CADM2: variants seen among roughly 807,000 people sequenced by gnomAD.
The protein encoded by CADM2 is cell adhesion molecule 2.
Under a neutral mutation model 49.8 loss-of-function variants are expected in CADM2, and 12 were observed. That is an observed-to-expected ratio of 0.24 (90% CI 0.15 to 0.39). The LOEUF (loss-of-function observed/expected upper bound fraction) is 0.39. Among genes scored for constraint, CADM2 ranks in the 10% least tolerant of loss-of-function variants. CADM2 has a pLI of 1.00. For missense variants in CADM2, 378 were observed against 492.3 expected, an observed-to-expected ratio of 0.77 and a Z score of 2.20; for synonymous variants, 214 against 175.4, an observed-to-expected ratio of 1.22 and a Z score of -1.74.
intron 8 of CADM2, among the ~76,000 whole-genome samples, chr3:85,999,980 TG>T (rs1360047654): frequency 6.6e-6 from 1 of 152,072 alleles, no homozygotes; most frequent in East Asian, 1.9e-4. Flanking sequence ...AAAAAAGAGA[TG>T]TTGAATATAT....
At chr3:85,849,137 A>T (rs1393791276) in intron 3 of CADM2, among the ~76,000 whole-genome samples, 1 of 152,216 alleles carries the variant, frequency 6.6e-6, no homozygotes, top group African/African-American at 2.4e-5. Context: ...CCAGGAGGAC[A>T]GCAAGCCACC....
chr3:85,701,256 G>A (rs1369083910), intron 1 of CADM2, among the ~76,000 whole-genome samples: 1 of 152,116 alleles, frequency 6.6e-6, no homozygotes, highest in Non-Finnish European at 1.5e-5. Flanking sequence ...TAAACCATTA[G>A]AAACTGCACC....
At chr3:84,970,840 C>G (rs2031382545) in intron 1 of CADM2, among the ~76,000 whole-genome samples, 1 of 151,928 alleles carries the variant, frequency 6.6e-6, no homozygotes, top group Admixed American at 6.6e-5. Flanking sequence ...TTGGCCCCTG[C>G]TCATCAACTT....
intron 5 of CADM2, among the ~76,000 whole-genome samples, chr3:85,904,347 T>C (rs1397719093): frequency 6.6e-6 from 1 of 152,196 alleles, no homozygotes; most frequent in Non-Finnish European, 1.5e-5. Context: ...ATTTTGACTT[T>C]GCAACCAAGA....
chr3:85,383,478 T>G (rs1168203761), intron 1 of CADM2, among the ~76,000 whole-genome samples: 7 of 141,770 alleles, frequency 4.9e-5, no homozygotes, highest in Non-Finnish European at 1.0e-4. Flanking sequence ...GGAAAAAAGT[T>G]AATATAATAC....
At chr3:85,412,682 C>T (rs1325404378) in intron 1 of CADM2, among the ~76,000 whole-genome samples, 1 of 151,644 alleles carries the variant, frequency 6.6e-6, no homozygotes, top group Non-Finnish European at 1.5e-5. Flanking sequence ...AATTATCATC[C>T]TATTGAAAAT....
At chr3:85,381,656 T>A (rs982999995) in intron 1 of CADM2, among the ~76,000 whole-genome samples, 2 of 151,648 alleles carry the variant, frequency 1.3e-5, no homozygotes, top group African/African-American at 4.8e-5. Context: ...GATATGATTA[T>A]AATAATAAAG....
chr3:84,965,153 G>A (rs778918887), intron 1 of CADM2, among the ~76,000 whole-genome samples: 2 of 152,092 alleles, frequency 1.3e-5, no homozygotes, highest in African/African-American at 2.4e-5. Context: ...AAAAGGACAC[G>A]TTCATTGCCA....
intron 1 of CADM2, among the ~76,000 whole-genome samples, chr3:85,393,944 C>G (rs9840818): frequency 1.1e-3 from 161 of 152,164 alleles, no homozygotes; most frequent in African/African-American, 3.8e-3. Flanking sequence ...GTAGCTGGGA[C>G]TACAGGCGCC....
At chr3:85,601,146 A>G (rs879347470) in intron 1 of CADM2, among the ~76,000 whole-genome samples, 26,067 of 113,498 alleles carry the variant, frequency 0.23, 3,691 homozygotes, top group East Asian at 0.35. Context: ...ATATATATAT[A>G]TATATATATA....
intron 1 of CADM2, among the ~76,000 whole-genome samples, chr3:85,525,170 T>A: frequency 6.6e-6 from 1 of 152,232 alleles, no homozygotes; most frequent in Middle Eastern, 3.4e-3. Flanking sequence ...AATTAAAAAA[T>A]AAAACATAAA....
In CADM2 at chr3:86,068,225, A is replaced by T. The variant is rs1739534978; in HGVS notation, c.*1442A>T. 1 of 152,388 alleles carries T rather than the reference A, an allele frequency of 6.6e-6. No individual in the cohort carries two copies. The allele number at this position is 152,388 out of a possible 1,614,324, so 9.4% of individuals were successfully genotyped here. A position where few individuals can be genotyped will look rare whatever the true frequency, so the allele number is the denominator to read the frequency against. On this transcript the variant is annotated 3_prime_UTR_variant, in exon 10 of 10. Coordinates refer to ENST00000383699, the MANE Select transcript of CADM2 (RefSeq NM_001167675.2). ...AAGTGAAAGTCTCTTTCTCTGGATT[A>T]TTTTAAAATTTTGGCGTGTTTAACC...
intron 8 of CADM2, among the ~76,000 whole-genome samples, chr3:85,997,758 A>G (rs558960194): frequency 6.6e-6 from 1 of 152,164 alleles, no homozygotes; most frequent in African/African-American, 2.4e-5. Context: ...CTGTTATAAG[A>G]TGAAATGAAC....
intron 1 of CADM2, among the ~76,000 whole-genome samples, chr3:85,547,461 T>C (rs2061695428): frequency 6.6e-6 from 1 of 150,748 alleles, no homozygotes; most frequent in African/African-American, 2.4e-5. Flanking sequence ...AGACTTGCAT[T>C]ATTTTTTGTC....
chr3:85,312,818 A>T (rs1478345610), intron 1 of CADM2, among the ~76,000 whole-genome samples: 4 of 152,204 alleles, frequency 2.6e-5, no homozygotes, highest in Non-Finnish European at 5.9e-5. Flanking sequence ...CTAAAACCTC[A>T]GGACATTATT....
At chr3:85,719,823 T>C (rs1388390302) in intron 1 of CADM2, among the ~76,000 whole-genome samples, 1 of 152,056 alleles carries the variant, frequency 6.6e-6, no homozygotes, top group Non-Finnish European at 1.5e-5. Flanking sequence ...ATGTTAACAG[T>C]TTTTTACTAT....
intron 1 of CADM2, among the ~76,000 whole-genome samples, chr3:85,018,132 T>C (rs1373740862): frequency 6.6e-6 from 1 of 152,154 alleles, no homozygotes; most frequent in Non-Finnish European, 1.5e-5. Context: ...TGTGCATATA[T>C]GTGTGTCTGT....
intron 1 of CADM2, among the ~76,000 whole-genome samples, chr3:85,444,025 C>T (rs1453738463): frequency 1.3e-5 from 2 of 152,088 alleles, no homozygotes; most frequent in Non-Finnish European, 2.9e-5. Flanking sequence ...TTCAGCTGTC[C>T]AGTTGCTTGG....
intron 2 of CADM2, among the ~76,000 whole-genome samples, chr3:85,747,790 A>G (rs370733723): frequency 6.6e-6 from 1 of 152,120 alleles, no homozygotes; most frequent in South Asian, 2.1e-4. Context: ...TGAGATCATC[A>G]AAACTGCTAG....
Sources: allele counts gnomAD v4.1 joint callset (sites outside exome capture counted in the v4.1 genomes callset), GRCh38; gene constraint gnomAD v4.1.1; transcripts MANE v1.5; gene names NCBI Gene and HGNC (gene_info 2026-07-23, HGNC 2026-07-21).